Variants in USP35 observed in about 807,000 individuals in gnomAD.
USP35 encodes the protein ubiquitin carboxyl-terminal hydrolase 35.
A neutral mutation model predicts 83.8 loss-of-function variants in USP35; 69 were observed. The observed-to-expected ratio is 0.82, with a 90% CI of 0.68 to 1.01. The LOEUF (loss-of-function observed/expected upper bound fraction) is 1.01, where lower values mean the gene tolerates loss of function less well. USP35 is among the 50% of genes least tolerant of loss of function. USP35 has a pLI of 0.00. For missense variants in USP35, 1,503 were observed against 1,362.5 expected, an observed-to-expected ratio of 1.10 and a Z score of -1.62; for synonymous variants, 714 against 589.5, an observed-to-expected ratio of 1.21 and a Z score of -3.06.
the USP35 span, among the ~76,000 whole-genome samples, chr11:78,234,002 G>T: frequency 6.6e-6 from 1 of 152,126 alleles, no homozygotes; most frequent in East Asian, 1.9e-4. Context: ...TCTCTTTTAT[G>T]ATTCTTGCTT....
At chr11:78,230,922 G>A in the USP35 span, among the ~76,000 whole-genome samples, 36 of 152,324 alleles carry the variant, frequency 2.4e-4, no homozygotes, top group African/African-American at 8.7e-4. Flanking sequence ...TCACTGTGAT[G>A]ACCTGAGTTG....
intron 3 of USP35, chr11:78,198,996 C>T (rs1036803949): frequency 6.5e-6 from 1 of 154,704 alleles, no homozygotes; most frequent in African/African-American, 2.4e-5. Context: ...GGCTGTTTTC[C>T]TCAGCACTGA....
At position 78,210,086 on chromosome 11, in the gene USP35, C is replaced by T. The variant is rs1565402989; in HGVS notation, c.2231C>T (p.Ala744Val). The change falls in exon 10 of 11, where the codon GCT (alanine) becomes GTT (valine). Residue 744 changes from alanine to valine, a missense_variant. Physicochemically the swap from Ala to Val is moderately conservative, Grantham distance 64. Coordinates refer to ENST00000529308, the MANE Select transcript of USP35 (RefSeq NM_020798.4). ...CTGGGAGCGGGGACCCACCCGGATG[C>T]TGCCATCCCCTCCGGGGAGCGGACA... ...DSLGAGTHPD[A>V]AIPSGERTCG... 6.2e-7 allele frequency: 1 copy of T among 1,614,040 alleles called. No individual in the cohort carries two copies. Among genetic ancestry groups the T allele is most frequent in the Non-Finnish European group, 8.5e-7 (1 of 1,179,976 alleles).
chr11:78,230,549 G>A, the USP35 span, among the ~76,000 whole-genome samples: 2 of 152,234 alleles, frequency 1.3e-5, no homozygotes, highest in Non-Finnish European at 1.5e-5. Flanking sequence ...TCTGCCTTAT[G>A]TCAGTTATTC....
At chr11:78,213,503 T>G (rs572316913) in intron 10 of USP35, 143 bp from the exon 11 acceptor site, 6 of 953,824 alleles carry the variant, frequency 6.3e-6, no homozygotes, top group Middle Eastern at 3.0e-4. Flanking sequence ...ACCCCGGATA[T>G]CCTGCCACTG....
At chr11:78,200,947 C>A in intron 6 of USP35, 139 bp downstream of exon 6, 1 of 1,256,990 alleles carries the variant, frequency 8.0e-7, no homozygotes, top group Non-Finnish European at 1.1e-6. Flanking sequence ...TCCCCAGGTC[C>A]ATCATGTGCC....
intron 6 of USP35, 41 bp downstream of exon 6, chr11:78,200,849 C>G: frequency 6.4e-7 from 1 of 1,560,622 alleles, no homozygotes; most frequent in South Asian, 1.2e-5. Context: ...CCCACTCTGA[C>G]AAAGGTACCA....
chr11:78,212,910 G>A (rs1377066420), intron 10 of USP35, among the ~76,000 whole-genome samples: 1 of 152,108 alleles, frequency 6.6e-6, no homozygotes, highest in Admixed American at 6.6e-5. Context: ...GGATGCTTCG[G>A]GTGTGGGGGG....
In USP35 at chr11:78,210,011, TGGA is replaced by T. The variant is rs1169970979; in HGVS notation, c.2158_2160del (p.Glu720del). On this transcript the variant is annotated inframe_deletion, in exon 10 of 11. Transcript: ENST00000529308. The stretch of plus-strand genomic sequence containing the variant: ...GAGGTGGAAGAGGAAGAAGAGAAGG[TGGA>T]GAAGGAGACAGAAAAGGAGGCTGAG... 1 of 1,610,006 alleles carries T rather than the reference TGGA, an allele frequency of 6.2e-7. No homozygotes were observed. The highest frequency in any genetic ancestry group is 8.5e-7 in the Non-Finnish European group (1 of 1,178,682).
intron 1 of USP35, among the ~76,000 whole-genome samples, chr11:78,192,642 C>T (rs1416264435): frequency 6.6e-6 from 1 of 152,210 alleles, no homozygotes; most frequent in East Asian, 1.9e-4. Flanking sequence ...AGGCTGCCGG[C>T]TGGCCTTGGA....
chr11:78,219,568 T>C (rs545209095), downstream of USP35, among the ~76,000 whole-genome samples: 3 of 152,272 alleles, frequency 2.0e-5, no homozygotes, highest in East Asian at 5.8e-4. Flanking sequence ...CTGGCTTCTC[T>C]TTCTGAATGT....
At chr11:78,224,919 C>T in the USP35 span, among the ~76,000 whole-genome samples, 1 of 152,088 alleles carries the variant, frequency 6.6e-6, no homozygotes, top group Non-Finnish European at 1.5e-5. Context: ...ACATTTCTTC[C>T]AGACTAGAAT....
intron 1 of USP35, among the ~76,000 whole-genome samples, chr11:78,190,006 C>A (rs1862953128): frequency 6.6e-6 from 1 of 152,066 alleles, no homozygotes; most frequent in Non-Finnish European, 1.5e-5. Context: ...GGAGGGGCAG[C>A]CTGGTACCCC....
At chr11:78,194,910 A>G (rs1863098167) in intron 1 of USP35, among the ~76,000 whole-genome samples, 2 of 152,216 alleles carry the variant, frequency 1.3e-5, no homozygotes, top group South Asian at 4.1e-4. Flanking sequence ...AAGGAGAAGG[A>G]CAAGATGTTC....
At chr11:78,200,838 C>T in intron 6 of USP35, 30 bp downstream of exon 6, 1 of 1,569,432 alleles carries the variant, frequency 6.4e-7, no homozygotes, top group Non-Finnish European at 8.7e-7. Context: ...TTGGGCCTTG[C>T]CCCACTCTGA....
Position 78,213,732 on chromosome 11 carries a change from C to T in USP35, c.2976C>T (p.Asp992=). 1.3e-6 allele frequency: 2 copies of T among 1,537,596 alleles called. No individual in the cohort carries two copies. The highest frequency in any genetic ancestry group is 1.7e-6 in the Non-Finnish European group (2 of 1,152,222). Residue 992 remains aspartate (D), a synonymous_variant, in exon 11 of 11, where the codon GAC becomes GAT. Coordinates refer to ENST00000529308, the MANE Select transcript of USP35 (RefSeq NM_020798.4). ...SPHWGRGFDE[D]KDEDEGSPGG... is the part of the protein sequence containing the mutation. Reference sequence around the variant, plus strand: ...ACTGGGGGAGGGGCTTTGATGAAGACAAGGATGAGGATGAAGGCTCTCCAG... The same window carrying T: ...ACTGGGGGAGGGGCTTTGATGAAGATAAGGATGAGGATGAAGGCTCTCCAG...
the USP35 span, chr11:78,225,161 C>T: frequency 6.2e-7 from 1 of 1,613,732 alleles, no homozygotes; most frequent in African/African-American, 1.3e-5. Flanking sequence ...CCTGCACTCT[C>T]TCCACCACGC....
intron 10 of USP35, among the ~76,000 whole-genome samples, chr11:78,212,288 A>G (rs1171575162): frequency 6.6e-6 from 1 of 152,066 alleles, no homozygotes. Context: ...ATTCTGTTCC[A>G]TTGGTCTATG....
downstream of USP35, chr11:78,219,358 C>T (rs767246566): frequency 1.3e-5 from 21 of 1,613,914 alleles, no homozygotes; most frequent in Admixed American, 8.3e-5. Context: ...TGGGTCTTCT[C>T]CTTGTCCACC....
Sources: allele counts gnomAD v4.1 joint callset (sites outside exome capture counted in the v4.1 genomes callset), GRCh38; gene constraint gnomAD v4.1.1; transcripts MANE v1.5; gene names NCBI Gene and HGNC (gene_info 2026-07-23, HGNC 2026-07-21).